Variants in ESRRB observed in about 807,000 individuals in gnomAD.
ESRRB encodes the protein estrogen related receptor beta.
A neutral mutation model predicts 46.0 loss-of-function variants in ESRRB; 16 were observed. The observed-to-expected ratio is 0.35, with a 90% CI of 0.24 to 0.53. ESRRB has a LOEUF of 0.53. Among genes scored for constraint, ESRRB ranks in the 20% least tolerant of loss-of-function variants. The probability of loss-of-function intolerance (pLI) is 0.93; values close to 1 mark genes in which losing one functional copy is unlikely to be tolerated. For missense variants in ESRRB, 488 were observed against 607.4 expected (o/e 0.80, Z 2.07); for synonymous variants, 246 against 259.6 (o/e 0.95, Z 0.50).
rs187934461 is a variant in ESRRB at position 76,486,233 on chromosome 14, C to T, written c.850+3474C>T. Among the ~76,000 whole-genome samples, 153 of 152,316 alleles carry T rather than the reference C, an allele frequency of 1.0e-3. 1 individual carries two copies. Among genetic ancestry groups the T allele is most frequent in the Non-Finnish European group, 1.8e-3 (120 of 68,024 alleles). On this transcript the variant is annotated intron_variant, in intron 5 of 6. Coordinates refer to ENST00000644823, the MANE Select transcript of ESRRB (RefSeq NM_001379180.1). ...GCCTCCTCCAAATGACCCGAGCCTGCCATCCTGCCTCCCTCGGCAGCCTCA... is the reference window on the plus strand; with the variant it reads ...GCCTCCTCCAAATGACCCGAGCCTGTCATCCTGCCTCCCTCGGCAGCCTCA...
intron 2 of ESRRB, among the ~76,000 whole-genome samples, chr14:76,445,466 C>CAAAAAAAAAAAAAAAAAAAAA (rs747627410): frequency 2.5e-5 from 2 of 79,766 alleles, no homozygotes; most frequent in African/African-American, 3.8e-5. Context: ...AACTCCGTCT[C>CAAAAAAAAAAAAAAAAAAAAA]AAAAAAAAAA....
chr14:76,377,597 G>T (rs1182737184), intron 1 of ESRRB, among the ~76,000 whole-genome samples: 1 of 151,604 alleles, frequency 6.6e-6, no homozygotes, highest in Non-Finnish European at 1.5e-5. Context: ...TTTTTCTGAC[G>T]CAAACTAAAT....
chr14:76,317,326 G>GTGTA (rs1212953586), intron 1 of ESRRB, among the ~76,000 whole-genome samples: 4 of 150,424 alleles, frequency 2.7e-5, no homozygotes, highest in African/African-American at 9.9e-5. Context: ...GTGTGTGTGT[G>GTGTA]TGTGTGTGTG....
intron 1 of ESRRB, among the ~76,000 whole-genome samples, chr14:76,346,920 T>C (rs1216653493): frequency 1.3e-5 from 2 of 152,210 alleles, no homozygotes; most frequent in African/African-American, 4.8e-5. Flanking sequence ...CACTGTCTTA[T>C]TTACTGTCGG....
chr14:76,494,818 G>A (rs1890361201), intron 6 of ESRRB, among the ~76,000 whole-genome samples: 1 of 152,168 alleles, frequency 6.6e-6, no homozygotes, highest in African/African-American at 2.4e-5. Context: ...AAAGCCAGGT[G>A]CAGGAAGGCT....
chr14:76,493,295 C>T (rs190287393), intron 6 of ESRRB, among the ~76,000 whole-genome samples: 1 of 152,144 alleles, frequency 6.6e-6, no homozygotes, highest in South Asian at 2.1e-4. Context: ...GCTGGGACTA[C>T]ATGCGTGCAC....
chr14:76,462,503 G>C (rs772282956), intron 2 of ESRRB, 42 bp from the exon 3 acceptor site: 1 of 1,529,198 alleles, frequency 6.5e-7, no homozygotes, highest in South Asian at 1.1e-5. Context: ...TGGGGGCCCT[G>C]GGCGGCCAGC....
intron 1 of ESRRB, among the ~76,000 whole-genome samples, chr14:76,422,836 T>C (rs1327146777): frequency 6.6e-6 from 1 of 152,192 alleles, no homozygotes; most frequent in African/African-American, 2.4e-5. Flanking sequence ...AGAGCCCTCA[T>C]GCCCAGGCCC....
rs185076656 is a variant in ESRRB, at chr14:76,425,359, C to T, written c.51-13982C>T. Among the ~76,000 whole-genome samples, 265 of 152,204 alleles carry T rather than the reference C, an allele frequency of 1.7e-3. 1 individual carries two copies. Among genetic ancestry groups the T allele is most frequent in the African/African-American group, 6.1e-3 (254 of 41,490 alleles). Reference sequence around the variant, plus strand: ...ATTTGCCTCCTGAACTAGGGATCTCCCTATCACTGGGGTCTTTATAAGGCA... The same window carrying T: ...ATTTGCCTCCTGAACTAGGGATCTCTCTATCACTGGGGTCTTTATAAGGCA... On this transcript the variant is annotated intron_variant, in intron 1 of 6. Transcript: ENST00000644823.
intron 1 of ESRRB, among the ~76,000 whole-genome samples, chr14:76,359,838 A>G (rs1324337196): frequency 6.6e-6 from 1 of 152,140 alleles, no homozygotes; most frequent in Non-Finnish European, 1.5e-5. Flanking sequence ...AGGCAAGGCG[A>G]TGTGACTCGT....
intron 5 of ESRRB, 97 bp from the exon 6 acceptor site, chr14:76,491,350 G>T: frequency 1.5e-6 from 2 of 1,308,844 alleles, no homozygotes; most frequent in East Asian, 2.5e-5. Context: ...CCCGCAACCA[G>T]CCACGCCCTG....
chr14:76,423,061 C>T (rs541956926), intron 1 of ESRRB, among the ~76,000 whole-genome samples: 1 of 151,752 alleles, frequency 6.6e-6, no homozygotes, highest in Non-Finnish European at 1.5e-5. Context: ...GTTGCCAACC[C>T]AACACATTAA....
chr14:76,335,560 G>A (rs1181061555), intron 1 of ESRRB, among the ~76,000 whole-genome samples: 1 of 152,220 alleles, frequency 6.6e-6, no homozygotes, highest in African/African-American at 2.4e-5. Context: ...CTTTCACAGA[G>A]TGTACAGTTA....
At position 76,440,132 on chromosome 14, in the gene ESRRB, C is replaced by T. The variant is rs181546153; in HGVS notation, c.460+382C>T. On this transcript the variant is annotated intron_variant, in intron 2 of 6. Transcript: ENST00000644823. ...AATTTGCCCTGCAATTCCAGACTTA[C>T]GGGACATAGAAAGCGTCCCTCACCT... is the stretch of plus-strand genomic sequence containing the variant. 1.8e-3 allele frequency among the ~76,000 whole-genome samples: 277 copies of T among 152,232 alleles called. 1 individual carries two copies. The highest frequency in any genetic ancestry group is 6.4e-3 in the African/African-American group (265 of 41,542).
chr14:76,445,717 C>T (rs1040081924), intron 2 of ESRRB, among the ~76,000 whole-genome samples: 6 of 148,610 alleles, frequency 4.0e-5, no homozygotes, highest in African/African-American at 1.5e-4. Context: ...CAGAGTCTCG[C>T]TCTGTCACCC....
intron 1 of ESRRB, among the ~76,000 whole-genome samples, chr14:76,387,374 A>AC (rs1214524630): frequency 2.0e-5 from 3 of 152,146 alleles, no homozygotes; most frequent in Non-Finnish European, 4.4e-5. Context: ...CTGGCACTGC[A>AC]CCCCATGGGT....
intron 1 of ESRRB, among the ~76,000 whole-genome samples, chr14:76,322,726 G>A (rs77911182): frequency 0.056 from 8,472 of 152,262 alleles, 317 homozygotes; most frequent in Middle Eastern, 0.15. Context: ...CTTTCTCATT[G>A]AGGGAGTGAG....
intron 2 of ESRRB, among the ~76,000 whole-genome samples, chr14:76,441,365 T>G (rs1887915671): frequency 6.6e-6 from 1 of 152,054 alleles, no homozygotes; most frequent in African/African-American, 2.4e-5. Context: ...CACCACGAGG[T>G]GAATTGGGGA....
At chr14:76,497,909 C>G (rs1890493390) in intron 6 of ESRRB, among the ~76,000 whole-genome samples, 1 of 151,982 alleles carries the variant, frequency 6.6e-6, no homozygotes, top group Non-Finnish European at 1.5e-5. Flanking sequence ...ATAACTTGCC[C>G]AAAATCACAC....
Sources: allele counts gnomAD v4.1 joint callset (sites outside exome capture counted in the v4.1 genomes callset), GRCh38; gene constraint gnomAD v4.1.1; transcripts MANE v1.5; gene names NCBI Gene and HGNC (gene_info 2026-07-23, HGNC 2026-07-21).